Variants in KLRG1 observed in about 807,000 individuals in gnomAD.
KLRG1 encodes the protein killer cell lectin like receptor G1.
Under a neutral mutation model 21.8 loss-of-function variants are expected in KLRG1, and 16 were observed. The observed-to-expected ratio is 0.73, with a 90% CI of 0.50 to 1.11. KLRG1 has a LOEUF of 1.11. Among genes scored for constraint, KLRG1 ranks in the 50% most tolerant of loss-of-function variants. The pLI is 0.00. For synonymous variants in KLRG1, 69 were observed against 75.9 expected, an observed-to-expected ratio of 0.91 and a Z score of 0.47; for missense variants, 173 against 218.3, an observed-to-expected ratio of 0.79 and a Z score of 1.31.
intron 1 of KLRG1, among the ~76,000 whole-genome samples, chr12:8,954,241 T>C (rs948528619): frequency 6.6e-6 from 1 of 151,732 alleles, no homozygotes; most frequent in African/African-American, 2.4e-5. Flanking sequence ...AAAATCACCA[T>C]AGAAACAGTG....
chr12:9,190,825 A>C, the KLRG1 span, among the ~76,000 whole-genome samples: 1 of 152,232 alleles, frequency 6.6e-6, no homozygotes, highest in Non-Finnish European at 1.5e-5. Flanking sequence ...GAATAGTGTG[A>C]AAAGAGAACA....
chr12:9,093,331 G>A, the KLRG1 span: 52 of 622,890 alleles, frequency 8.3e-5, no homozygotes, highest in East Asian at 3.1e-4. Context: ...ATGTGTATGT[G>A]TATATATATA....
At chr12:9,094,553 A>G in the KLRG1 span, among the ~76,000 whole-genome samples, 1 of 151,902 alleles carries the variant, frequency 6.6e-6, no homozygotes, top group Non-Finnish European at 1.5e-5. Context: ...ATCCTCAATC[A>G]TGATTTGACA....
the KLRG1 span, among the ~76,000 whole-genome samples, chr12:9,057,295 TG>T: frequency 6.6e-6 from 1 of 152,166 alleles, no homozygotes; most frequent in East Asian, 1.9e-4. Flanking sequence ...CACTTATAAG[TG>T]GGAGCTAAAT....
At chr12:8,972,120 G>A (rs1450143361) in intron 1 of KLRG1, among the ~76,000 whole-genome samples, 2 of 152,108 alleles carry the variant, frequency 1.3e-5, no homozygotes, top group African/African-American at 4.8e-5. Flanking sequence ...TTTTCCTAGA[G>A]TAGTTTTACA....
chr12:8,950,083 C>CGGGCT (rs1946169827), exon 1 of KLRG1: 1 of 152,188 alleles, frequency 6.6e-6, no homozygotes, highest in African/African-American at 2.4e-5. Context: ...TTCCCTAGCC[C>CGGGCT]GTTCGCCGCC....
chr12:9,152,829 G>C, the KLRG1 span: 1 of 1,613,994 alleles, frequency 6.2e-7, no homozygotes, highest in Admixed American at 1.7e-5. Flanking sequence ...CTTACCTGAT[G>C]GTCAGTGAGA....
At chr12:9,208,212 A>G in the KLRG1 span, 1 of 1,449,616 alleles carries the variant, frequency 6.9e-7, no homozygotes, top group Non-Finnish European at 9.7e-7. Flanking sequence ...GACACAAGGG[A>G]GAGACTGAAA....
intron 3 of KLRG1, among the ~76,000 whole-genome samples, chr12:9,006,552 A>G (rs1359541278): frequency 6.6e-6 from 1 of 152,218 alleles, no homozygotes; most frequent in Non-Finnish European, 1.5e-5. Context: ...TTTAGATTTT[A>G]TTCTATGTGA....
the KLRG1 span, chr12:9,157,923 CA>C: frequency 5.3e-6 from 6 of 1,127,998 alleles, no homozygotes; most frequent in Non-Finnish European, 1.3e-6. Flanking sequence ...AAACGCTCCT[CA>C]GTATCTGTTT....
At chr12:9,190,839 T>C in the KLRG1 span, among the ~76,000 whole-genome samples, 1 of 152,194 alleles carries the variant, frequency 6.6e-6, no homozygotes, top group African/African-American at 2.4e-5. Flanking sequence ...GAGAACAATA[T>C]GAGGAAGCTC....
the KLRG1 span, chr12:9,069,960 T>C: frequency 1.5e-6 from 1 of 651,480 alleles, no homozygotes; most frequent in African/African-American, 1.8e-5. Context: ...GTAATACAAT[T>C]AAAAATGAAA....
At chr12:9,056,186 C>G in the KLRG1 span, among the ~76,000 whole-genome samples, 1 of 152,218 alleles carries the variant, frequency 6.6e-6, no homozygotes, top group East Asian at 1.9e-4. Flanking sequence ...GGAGCTTCAA[C>G]GGGACAGGGC....
the KLRG1 span, among the ~76,000 whole-genome samples, chr12:9,021,177 C>T: frequency 5.9e-5 from 9 of 152,128 alleles, no homozygotes; most frequent in South Asian, 8.3e-4. Flanking sequence ...AACGGTACAC[C>T]GGTATATGAC....
At chr12:9,034,322 G>A in the KLRG1 span, among the ~76,000 whole-genome samples, 1 of 152,124 alleles carries the variant, frequency 6.6e-6, no homozygotes, top group Non-Finnish European at 1.5e-5. Context: ...GGTGATGCTG[G>A]TGTAAATGAA....
At chr12:9,074,886 A>G in the KLRG1 span, 1 of 1,196,960 alleles carries the variant, frequency 8.4e-7, no homozygotes, top group Non-Finnish European at 1.2e-6. Flanking sequence ...CATGCCCATT[A>G]TAATCCCCTG....
chr12:9,080,225 A>T, the KLRG1 span: 1 of 1,323,034 alleles, frequency 7.6e-7, no homozygotes, highest in South Asian at 1.3e-5. Flanking sequence ...TCTGCATTAT[A>T]TCTTTCTAAA....
At chr12:9,103,441 A>G in the KLRG1 span, among the ~76,000 whole-genome samples, 6 of 152,074 alleles carry the variant, frequency 3.9e-5, no homozygotes, top group African/African-American at 1.4e-4. Context: ...CACAACATAA[A>G]ATTACCATCT....
intron 1 of KLRG1, chr12:8,991,973 GA>G: frequency 5.4e-6 from 2 of 371,786 alleles, no homozygotes; most frequent in South Asian, 7.9e-5. Context: ...AGTTTCAAAG[GA>G]AAAAAGCATT....
Sources: allele counts gnomAD v4.1 joint callset (sites outside exome capture counted in the v4.1 genomes callset), GRCh38; gene constraint gnomAD v4.1.1; transcripts MANE v1.5; gene names NCBI Gene and HGNC (gene_info 2026-07-23, HGNC 2026-07-21).